AP3B1: variants seen among roughly 807,000 people sequenced by gnomAD.
AP3B1 encodes the protein AP-3 complex subunit beta-1.
A neutral mutation model predicts 132.5 loss-of-function variants in AP3B1; 61 were observed. The observed-to-expected ratio is 0.46, with a 90% confidence interval of 0.37 to 0.57. The LOEUF is 0.57. Among genes scored for constraint, AP3B1 ranks in the 20% least tolerant of loss-of-function variants. AP3B1 has a pLI of 0.00. For missense variants in AP3B1, 1,120 were observed against 1,289.4 expected (o/e 0.87, Z 2.01); for synonymous variants, 388 against 438.3 (o/e 0.89, Z 1.43).
At chr5:78,176,022 C>T (rs557853214) in intron 9 of AP3B1, among the ~76,000 whole-genome samples, 184 bp from the exon 10 acceptor site, 2 of 152,184 alleles carry the variant, frequency 1.3e-5, no homozygotes, top group East Asian at 3.9e-4. Context: ...CTATAAAATA[C>T]CAATAAATTA....
intron 20 of AP3B1, among the ~76,000 whole-genome samples, chr5:78,108,377 T>C (rs1485851052): frequency 1.3e-5 from 2 of 152,334 alleles, no homozygotes; most frequent in East Asian, 1.9e-4. Flanking sequence ...TGTAATTGCA[T>C]GGTATACACC....
chr5:78,193,567 C>T (rs1291964713), intron 7 of AP3B1, among the ~76,000 whole-genome samples: 2 of 150,606 alleles, frequency 1.3e-5, no homozygotes, highest in African/African-American at 2.4e-5. Flanking sequence ...TTTTAATATT[C>T]CCTCCATTTG....
intron 22 of AP3B1, among the ~76,000 whole-genome samples, chr5:78,052,083 T>C (rs556409300): frequency 7.9e-5 from 12 of 152,276 alleles, no homozygotes; most frequent in Admixed American, 1.3e-4. Context: ...AGAAATATAT[T>C]TGAATCTTCC....
intron 14 of AP3B1, among the ~76,000 whole-genome samples, chr5:78,153,152 T>C (rs1353630905): frequency 6.6e-6 from 1 of 152,216 alleles, no homozygotes; most frequent in Non-Finnish European, 1.5e-5. Context: ...TCTCCAGCTA[T>C]TATTGTATTG....
rs2302978 is a variant in AP3B1, at chr5:78,141,209, T to C, written c.1584A>G (p.Glu528=). 5.6e-6 allele frequency: 9 copies of C among 1,613,810 alleles called. No homozygotes were observed. In the East Asian group the frequency reaches 2.0e-4, roughly 36 times the overall value. The change falls in exon 15 of 27, where the codon GAA becomes GAG. Residue 528 remains glutamate, a synonymous_variant. Coordinates refer to ENST00000255194, the MANE Select transcript of AP3B1 (RefSeq NM_003664.5). The stretch of plus-strand genomic sequence containing the variant: ...ATATCTGCAGTTTTACCAGATCATC[T>C]TCACTAGTGAAGCTTTTAGCCATCT... ...LRKMAKSFTS[E]DDLVKLQILN... is the part of the protein sequence containing the mutation.
intron 21 of AP3B1, among the ~76,000 whole-genome samples, chr5:78,096,584 G>A (rs1373411364): frequency 4.0e-5 from 6 of 151,680 alleles, no homozygotes; most frequent in African/African-American, 1.2e-4. Context: ...CTGCCCGGCC[G>A]CCCATCGTCT....
At chr5:78,294,357 A>G in intron 1 of AP3B1, 95 bp downstream of exon 1, 1 of 1,587,842 alleles carries the variant, frequency 6.3e-7, no homozygotes, top group Non-Finnish European at 8.6e-7. Flanking sequence ...CCTCAGGGCG[A>G]CCCCGCTCCT....
intron 26 of AP3B1, among the ~76,000 whole-genome samples, chr5:78,013,147 C>T (rs533282823): frequency 6.6e-6 from 1 of 152,116 alleles, no homozygotes; most frequent in African/African-American, 2.4e-5. Context: ...TGGGCTCAGG[C>T]GATCCTCCTA....
chr5:78,151,834 C>T (rs572733988), intron 14 of AP3B1, among the ~76,000 whole-genome samples: 32 of 67,504 alleles, frequency 4.7e-4, no homozygotes, highest in African/African-American at 1.5e-3. Context: ...TTCCTTCCCT[C>T]CCCTCCCCCT....
chr5:78,119,390 C>T lies in AP3B1; in HGVS notation c.1969-3156G>A, dbSNP rs1752042921. Among the ~76,000 whole-genome samples the T allele has an allele frequency of 2.0e-5, 3 of 152,182 alleles. No homozygotes were observed. The South Asian group carries it at 6.2e-4, about 32-fold the overall frequency. ...GAAGGCTTCAGATGATCAAACTACT[C>T]CAAGCTACAGGAGGAAATACAAACC... On this transcript the variant is annotated intron_variant, in intron 17 of 26. Transcript: ENST00000255194.
rs370898652 is a variant in AP3B1, at chr5:78,292,971, C to A, written c.128+1481G>T. Among the ~76,000 whole-genome samples the A allele has an allele frequency of 5.3e-4, 80 of 152,190 alleles. 2 individuals carry two copies. In the South Asian group the frequency reaches 9.5e-3, roughly 18 times the overall value. ...TCGGCTCACTGCAGCTTCCGCCTCCCGGGTTCAAGCGATTCTCCTGCCTCA... is the reference window on the plus strand; with the variant it reads ...TCGGCTCACTGCAGCTTCCGCCTCCAGGGTTCAAGCGATTCTCCTGCCTCA... On this transcript the variant is annotated intron_variant, in intron 1 of 26. Coordinates refer to ENST00000255194, the MANE Select transcript of AP3B1 (RefSeq NM_003664.5).
At chr5:78,127,245 A>C (rs73134758) in intron 17 of AP3B1, among the ~76,000 whole-genome samples, 266 of 152,324 alleles carry the variant, frequency 1.7e-3, no homozygotes, top group African/African-American at 6.1e-3. Flanking sequence ...TCTGAATCCT[A>C]ATTCAATGTA....
intron 7 of AP3B1, among the ~76,000 whole-genome samples, chr5:78,185,890 G>T (rs1371269767): frequency 6.6e-6 from 1 of 151,706 alleles, no homozygotes; most frequent in Non-Finnish European, 1.5e-5. Context: ...CAAAAAAATA[G>T]GTTTTAATTA....
chr5:78,071,493 A>G (rs1050019010), intron 22 of AP3B1, among the ~76,000 whole-genome samples: 1 of 152,198 alleles, frequency 6.6e-6, no homozygotes, highest in Non-Finnish European at 1.5e-5. Context: ...ATACTGCAGC[A>G]AACCACCACA....
At chr5:78,210,414 T>G (rs1745686428) in intron 7 of AP3B1, among the ~76,000 whole-genome samples, 1 of 152,176 alleles carries the variant, frequency 6.6e-6, no homozygotes, top group African/African-American at 2.4e-5. Context: ...CTGAAAAACT[T>G]AAGAACTTAC....
intron 7 of AP3B1, among the ~76,000 whole-genome samples, chr5:78,186,396 A>C (rs1402108385): frequency 6.6e-6 from 1 of 152,210 alleles, no homozygotes; most frequent in Non-Finnish European, 1.5e-5. Context: ...CTATGGAAAC[A>C]GAAAGATTAG....
At chr5:78,145,255 A>G (rs1753338940) in intron 14 of AP3B1, among the ~76,000 whole-genome samples, 1 of 152,242 alleles carries the variant, frequency 6.6e-6, no homozygotes, top group Admixed American at 6.5e-5. Context: ...AAAACAAATT[A>G]CATAGCTAAT....
Position 78,002,591 on chromosome 5 carries a change from A to AT in AP3B1, c.*310dup. 1.7e-6 allele frequency: 1 copy of AT among 574,878 alleles called. No individual in the cohort carries two copies. Among genetic ancestry groups the AT allele is most frequent in the Non-Finnish European group, 3.1e-6 (1 of 325,112 alleles). 35.6% of individuals were successfully genotyped at this position (574,878 alleles called of 1,614,324 possible). ...TTTAAATATCTCATTCATGTCTACC[A>AT]TTGTCGAAAAAGAGAAGGAAAACGA... On this transcript the variant is annotated 3_prime_UTR_variant, in exon 27 of 27. Transcript: ENST00000255194.
rs188545556 is a variant in AP3B1 at position 78,197,651 on chromosome 5, A to G, written c.787-15989T>C. 2.0e-5 allele frequency among the ~76,000 whole-genome samples: 3 copies of G among 152,334 alleles called. No individual in the cohort carries two copies. In the East Asian group the frequency reaches 5.8e-4, roughly 29 times the overall value. ...GATACAGGGAGACTTATTTTATCTG[A>G]ATGGATTTCCTAAGAAATAAACACA... On this transcript the variant is annotated intron_variant, in intron 7 of 26. Coordinates refer to ENST00000255194, the MANE Select transcript of AP3B1 (RefSeq NM_003664.5).
Sources: allele counts gnomAD v4.1 joint callset (sites outside exome capture counted in the v4.1 genomes callset), GRCh38; gene constraint gnomAD v4.1.1; transcripts MANE v1.5; gene names NCBI Gene and HGNC (gene_info 2026-07-23, HGNC 2026-07-21).